Variants in SH3GL2 observed in about 807,000 individuals in gnomAD.
SH3GL2 encodes SH3 domain containing GRB2 like 2, endophilin A1.
Under a neutral mutation model 46.0 loss-of-function variants are expected in SH3GL2, and 24 were observed. The ratio of observed to expected loss-of-function variants is 0.52; its 90% CI spans 0.38 to 0.73. The LOEUF is 0.73. Ranked by LOEUF, SH3GL2 falls within the 30% of genes least tolerant of loss-of-function variation. The probability of loss-of-function intolerance (pLI) is 0.00; values close to 1 mark genes in which losing one functional copy is unlikely to be tolerated. For synonymous variants in SH3GL2, 196 were observed against 147.1 expected, an observed-to-expected ratio of 1.33 and a Z score of -2.40; for missense variants, 413 against 424.2, an observed-to-expected ratio of 0.97 and a Z score of 0.23.
chr9:17,634,568 T>G (rs2208498), intron 1 of SH3GL2, among the ~76,000 whole-genome samples: 44,265 of 152,142 alleles, frequency 0.29, 7,633 homozygotes, highest in East Asian at 0.53. Flanking sequence ...TTCTTGGTTC[T>G]ACTACTAAAT....
chr9:17,712,838 A>AG, intron 1 of SH3GL2, among the ~76,000 whole-genome samples: 1 of 142,722 alleles, frequency 7.0e-6, no homozygotes, highest in African/African-American at 2.7e-5. Flanking sequence ...CATCCATCCA[A>AG]CCACCCACCC....
intron 1 of SH3GL2, among the ~76,000 whole-genome samples, chr9:17,692,711 C>T (rs1387195139): frequency 1.3e-5 from 2 of 151,782 alleles, no homozygotes; most frequent in Non-Finnish European, 2.9e-5. Flanking sequence ...AAATATTTTT[C>T]ACTGTATACT....
intron 1 of SH3GL2, among the ~76,000 whole-genome samples, chr9:17,584,831 C>G: frequency 6.6e-6 from 1 of 152,198 alleles, no homozygotes. Flanking sequence ...TCTCTGTAGA[C>G]TGAGAGTCCT....
intron 2 of SH3GL2, chr9:17,755,689 T>C (rs1822967409): frequency 1.5e-6 from 1 of 677,570 alleles, no homozygotes; most frequent in South Asian, 6.6e-5. Context: ...ACTTTTGCTC[T>C]GCTACAGCAT....
chr9:17,661,982 T>G (rs73645118), intron 1 of SH3GL2, among the ~76,000 whole-genome samples: 3,799 of 152,322 alleles, frequency 0.025, 66 homozygotes, highest in African/African-American at 0.032. Flanking sequence ...TTGTCTTTCA[T>G]GTTTGATTCT....
At chr9:17,617,571 A>G (rs774086729) in intron 1 of SH3GL2, among the ~76,000 whole-genome samples, 1 of 152,216 alleles carries the variant, frequency 6.6e-6, no homozygotes, top group African/African-American at 2.4e-5. Context: ...ATAAATTTTC[A>G]GGCTCACTTG....
intron 3 of SH3GL2, among the ~76,000 whole-genome samples, chr9:17,772,352 C>T (rs1563848234): frequency 6.6e-6 from 1 of 152,090 alleles, no homozygotes; most frequent in Non-Finnish European, 1.5e-5. Context: ...ACATGCATAA[C>T]ATGAAATTAT....
intron 2 of SH3GL2, among the ~76,000 whole-genome samples, chr9:17,758,273 C>T (rs909517962): frequency 6.6e-6 from 1 of 152,126 alleles, no homozygotes; most frequent in Non-Finnish European, 1.5e-5. Flanking sequence ...TGTAAGAATG[C>T]AGCCATGCCT....
At chr9:17,788,834 T>C (rs1219636390) in intron 5 of SH3GL2, among the ~76,000 whole-genome samples, 5 of 152,208 alleles carry the variant, frequency 3.3e-5, no homozygotes, top group Non-Finnish European at 7.4e-5. Context: ...TGTTAAGATG[T>C]AGATTCCTAG....
intron 3 of SH3GL2, among the ~76,000 whole-genome samples, chr9:17,785,853 T>C (rs1487652323): frequency 6.6e-6 from 1 of 152,192 alleles, no homozygotes; most frequent in Non-Finnish European, 1.5e-5. Flanking sequence ...AGAATCTTAG[T>C]TGAGAAATGA....
chr9:17,665,551 C>T (rs1820321870), intron 1 of SH3GL2, among the ~76,000 whole-genome samples: 1 of 152,054 alleles, frequency 6.6e-6, no homozygotes, highest in South Asian at 2.1e-4. Context: ...CTTGGATTCT[C>T]ATACAGTGTT....
At chr9:17,761,003 G>A (rs561107643) in intron 2 of SH3GL2, among the ~76,000 whole-genome samples, 8 of 152,290 alleles carry the variant, frequency 5.3e-5, no homozygotes, top group Non-Finnish European at 1.2e-4. Context: ...TTTTTAGGAT[G>A]TTCTTAGAAG....
chr9:17,744,589 A>T (rs566025323), intron 1 of SH3GL2, among the ~76,000 whole-genome samples: 1 of 152,252 alleles, frequency 6.6e-6, no homozygotes, highest in South Asian at 2.1e-4. Flanking sequence ...CTGGTCTCGG[A>T]AATCCTGGGC....
Position 17,579,089 on chromosome 9 carries a change from C to T in SH3GL2, c.-154C>T. 1.4e-5 allele frequency: 7 copies of T among 485,182 alleles called. No homozygotes were observed. Among genetic ancestry groups the T allele is most frequent in the Non-Finnish European group, 2.5e-5 (7 of 281,870 alleles). 30.1% of individuals were successfully genotyped at this position (485,182 alleles called of 1,614,324 possible). ...ACGTCAGAGTGTTTCTCCGCAAGAG[C>T]CCGTGTCCCGCTAGGCTCCGCGCCC... On this transcript the variant is annotated 5_prime_UTR_variant, in exon 1 of 9. Transcript: ENST00000380607.
At chr9:17,761,677 G>T in intron 3 of SH3GL2, 168 bp downstream of exon 3, 1 of 678,372 alleles carries the variant, frequency 1.5e-6, no homozygotes, top group East Asian at 2.5e-5. Flanking sequence ...GGGGAGAAGG[G>T]CTTTTTAAAG....
intron 1 of SH3GL2, among the ~76,000 whole-genome samples, chr9:17,641,909 A>T (rs144969985): frequency 6.6e-6 from 1 of 152,196 alleles, no homozygotes. Flanking sequence ...ATACGTGTGC[A>T]TGTGTCTTTA....
chr9:17,662,219 A>G (rs551312081), intron 1 of SH3GL2, among the ~76,000 whole-genome samples: 10 of 152,278 alleles, frequency 6.6e-5, no homozygotes, highest in African/African-American at 1.7e-4. Flanking sequence ...TAGTTCTATC[A>G]GTTGCTGAGA....
At chr9:17,714,771 GT>G (rs1821710901) in intron 1 of SH3GL2, among the ~76,000 whole-genome samples, 1 of 151,596 alleles carries the variant, frequency 6.6e-6, no homozygotes. Flanking sequence ...CTTTTAATAG[GT>G]TTTAACAACA....
intron 1 of SH3GL2, among the ~76,000 whole-genome samples, chr9:17,635,219 C>A (rs1389172616): frequency 3.3e-5 from 5 of 152,246 alleles, no homozygotes; most frequent in African/African-American, 1.2e-4. Flanking sequence ...CACCCACTTA[C>A]AAGTAAGAAC....
Sources: allele counts gnomAD v4.1 joint callset (sites outside exome capture counted in the v4.1 genomes callset), GRCh38; gene constraint gnomAD v4.1.1; transcripts MANE v1.5; gene names NCBI Gene and HGNC (gene_info 2026-07-23, HGNC 2026-07-21).